RIOK1: variants seen among roughly 807,000 people sequenced by gnomAD.
RIOK1 encodes RIO kinase 1, also known as serine/threonine-protein kinase RIO1.
In RIOK1, 66 loss-of-function variants were observed where a neutral mutation model predicts 73.5. The ratio of observed to expected loss-of-function variants is 0.90; its 90% CI spans 0.74 to 1.10. The LOEUF (loss-of-function observed/expected upper bound fraction) is 1.10. Ranked by LOEUF, RIOK1 falls within the 50% of genes least tolerant of loss-of-function variation. The pLI is 0.00. For synonymous variants in RIOK1, 224 were observed against 226.8 expected (o/e 0.99, Z 0.11); for missense variants, 658 against 699.8 (o/e 0.94, Z 0.67).
At chr6:7,394,107 A>T (rs965486153) in intron 2 of RIOK1, among the ~76,000 whole-genome samples, 39 of 152,346 alleles carry the variant, frequency 2.6e-4, no homozygotes, top group Admixed American at 2.2e-3. Context: ...TGGAGCATAA[A>T]GGTTAATCCA....
At chr6:7,404,695 C>CT (rs1174654805) in intron 10 of RIOK1, 140 bp downstream of exon 10, 1 of 1,149,832 alleles carries the variant, frequency 8.7e-7, no homozygotes, top group Non-Finnish European at 1.2e-6. Flanking sequence ...GATAGGATTC[C>CT]TTTTTTCAGT....
At chr6:7,404,224 G>A (rs1385041986) in intron 9 of RIOK1, among the ~76,000 whole-genome samples, 194 bp from the exon 10 acceptor site, 1 of 152,160 alleles carries the variant, frequency 6.6e-6, no homozygotes, top group South Asian at 2.1e-4. Flanking sequence ...TTAGTCCTGT[G>A]TTGGAGGGTG....
chr6:7,391,897 T>C (rs1761351575), intron 1 of RIOK1, among the ~76,000 whole-genome samples: 1 of 152,242 alleles, frequency 6.6e-6, no homozygotes, highest in Admixed American at 6.5e-5. Flanking sequence ...AAGTGTTTGA[T>C]GATTGTCTGT....
intron 2 of RIOK1, among the ~76,000 whole-genome samples, chr6:7,394,670 A>G (rs1389926584): frequency 1.3e-5 from 2 of 152,192 alleles, no homozygotes; most frequent in African/African-American, 4.8e-5. Context: ...TGGGCCCAAA[A>G]TGAAATTCTG....
chr6:7,411,548 A>C, intron 14 of RIOK1, 97 bp downstream of exon 14: 1 of 1,304,792 alleles, frequency 7.7e-7, no homozygotes, highest in Non-Finnish European at 1.1e-6. Flanking sequence ...CTAATCTTGA[A>C]TATTGGCTTC....
At chr6:7,398,782 A>G (rs1471585891) in intron 5 of RIOK1, 42 bp downstream of exon 5, 1 of 1,486,252 alleles carries the variant, frequency 6.7e-7, no homozygotes. Flanking sequence ...TTTAATTAGC[A>G]TTTCTTCTCT....
chr6:7,393,483 TG>T (rs1327202300), intron 2 of RIOK1, among the ~76,000 whole-genome samples, 180 bp downstream of exon 2: 2 of 152,242 alleles, frequency 1.3e-5, no homozygotes, highest in Non-Finnish European at 2.9e-5. Flanking sequence ...GATAATTTCC[TG>T]GGTGTGGATT....
At chr6:7,404,326 G>C (rs904961823) in intron 9 of RIOK1, 92 bp from the exon 10 acceptor site, 6 of 1,388,506 alleles carry the variant, frequency 4.3e-6, no homozygotes, top group Non-Finnish European at 6.0e-6. Flanking sequence ...CAGCTCACAT[G>C]ATGAGTTGTA....
chr6:7,394,630 C>A (rs115533598), intron 2 of RIOK1, among the ~76,000 whole-genome samples: 1 of 152,190 alleles, frequency 6.6e-6, no homozygotes, highest in African/African-American at 2.4e-5. Flanking sequence ...TGCTGAGCCT[C>A]GTACTTAATA....
At chr6:7,413,630 G>A (rs770292925) in intron 15 of RIOK1, among the ~76,000 whole-genome samples, 9 of 152,198 alleles carry the variant, frequency 5.9e-5, no homozygotes, top group Non-Finnish European at 8.8e-5. Context: ...AGGAAGTTAT[G>A]CTTTGGATTC....
chr6:7,394,615 G>A (rs1162179834), intron 2 of RIOK1, among the ~76,000 whole-genome samples: 1 of 152,170 alleles, frequency 6.6e-6, no homozygotes, highest in African/African-American at 2.4e-5. Context: ...TAGCACCAGC[G>A]TAAGTGCTGA....
Position 7,404,443 on chromosome 6 carries a change from C to T in RIOK1, c.880C>T (p.Gln294Ter), listed in dbSNP as rs1761689882. 1.9e-6 allele frequency: 3 copies of T among 1,614,034 alleles called. No individual in the cohort carries two copies. The highest frequency in any genetic ancestry group is 2.5e-6 in the Non-Finnish European group (3 of 1,179,994). Reference protein sequence around the residue: ...DMPAPLLKNVQLSESKARELY... With the variant: ...DMPAPLLKNV Reference sequence around the variant, plus strand: ...GCCTGCACCACTCTTGAAAAATGTCCAGTTATCAGAATCCAAGGCTCGGGA... The same window carrying T: ...GCCTGCACCACTCTTGAAAAATGTCTAGTTATCAGAATCCAAGGCTCGGGA... Residue 294 changes from glutamine to a stop codon, truncating the protein, a stop_gained, in exon 10 of 17, where the codon CAG becomes TAG. Transcript: ENST00000379834. LOFTEE classifies it high-confidence loss of function.
chr6:7,397,596 A>C (rs1761504347), intron 4 of RIOK1, among the ~76,000 whole-genome samples: 2 of 152,234 alleles, frequency 1.3e-5, no homozygotes, highest in Admixed American at 1.3e-4. Flanking sequence ...TATTATAGAA[A>C]ACGACACTAA....
chr6:7,397,070 C>G (rs1761494220), intron 4 of RIOK1, among the ~76,000 whole-genome samples: 1 of 152,116 alleles, frequency 6.6e-6, no homozygotes, highest in South Asian at 2.1e-4. Flanking sequence ...TTGAGACCAG[C>G]CTGGCCAACA....
intron 13 of RIOK1, 63 bp from the exon 14 acceptor site, chr6:7,411,269 A>T (rs1424154555): frequency 6.4e-7 from 1 of 1,565,986 alleles, no homozygotes; most frequent in South Asian, 1.1e-5. Context: ...ATGGAGGAGT[A>T]TGCTGTGTGA....
At chr6:7,414,074 T>TC (rs1172513809) in intron 15 of RIOK1, among the ~76,000 whole-genome samples, 164 bp from the exon 16 acceptor site, 2 of 152,160 alleles carry the variant, frequency 1.3e-5, no homozygotes, top group African/African-American at 4.8e-5. Context: ...CATGTTTCCC[T>TC]CCTGATGTTC....
intron 9 of RIOK1, 148 bp from the exon 10 acceptor site, chr6:7,404,270 C>T (rs1038637578): frequency 1.4e-5 from 13 of 931,128 alleles, no homozygotes; most frequent in African/African-American, 6.6e-5. Flanking sequence ...ATCTATTTGC[C>T]GGTACCTTCT....
chr6:7,404,748 A>G (rs45510993), intron 10 of RIOK1, among the ~76,000 whole-genome samples, 170 bp from the exon 11 acceptor site: 40 of 152,176 alleles, frequency 2.6e-4, no homozygotes, highest in Non-Finnish European at 5.1e-4. Context: ...TTAACAGTGA[A>G]TGGATTTTGG....
intron 15 of RIOK1, 26 bp downstream of exon 15, chr6:7,412,968 G>T: frequency 7.0e-7 from 1 of 1,435,978 alleles, no homozygotes; most frequent in Middle Eastern, 1.8e-4. Context: ...GTTACTGTTT[G>T]TTTATGTGAA....
Sources: allele counts gnomAD v4.1 joint callset (sites outside exome capture counted in the v4.1 genomes callset), GRCh38; gene constraint gnomAD v4.1.1; transcripts MANE v1.5; gene names NCBI Gene and HGNC (gene_info 2026-07-23, HGNC 2026-07-21).